OTUD7A: variants seen among roughly 807,000 people sequenced by gnomAD.
OTUD7A encodes the protein OTU deubiquitinase 7A, also known as OTU domain-containing protein 7A.
OTUD7A carries 12 observed loss-of-function variants against 65.7 expected under a neutral mutation model. The observed-to-expected ratio is 0.18, with a 90% CI of 0.12 to 0.30. The LOEUF (loss-of-function observed/expected upper bound fraction) is 0.30, where lower values mean the gene tolerates loss of function less well. Ranked by LOEUF, OTUD7A falls within the 10% of genes least tolerant of loss-of-function variation. OTUD7A has a pLI of 1.00. For missense variants in OTUD7A, 1,148 were observed against 1,304.8 expected, an observed-to-expected ratio of 0.88 and a Z score of 1.85; for synonymous variants, 641 against 586.3, an observed-to-expected ratio of 1.09 and a Z score of -1.35.
In OTUD7A at chr15:31,484,098, C is replaced by T. The variant is rs777418666; in HGVS notation, c.1998G>A (p.Thr666=). The change falls in exon 13 of 13, where the codon ACG becomes ACA. Residue 666 remains threonine, a synonymous_variant. Transcript: ENST00000307050. This position sits in a 1 kb window ranked among gnomAD's most constrained non-coding sequence, Gnocchi z 4.5. ...FHEEMIGYYL[T]SAQERFSAEQ... is the part of the protein sequence containing the mutation. The stretch of plus-strand genomic sequence containing the variant: ...CGGCGCTGAAGCGCTCCTGCGCGCT[C>T]GTCAGGTAGTAGCCGATCATCTCCT... The T allele has an allele frequency of 6.8e-5, 109 of 1,602,746 alleles. No homozygotes were observed. Among genetic ancestry groups the T allele is most frequent in the East Asian group, 8.9e-5 (4 of 44,710 alleles).
intron 1 of OTUD7A, among the ~76,000 whole-genome samples, chr15:31,788,463 T>G (rs1198602456): frequency 6.6e-6 from 1 of 152,226 alleles, no homozygotes; most frequent in Admixed American, 6.5e-5. Context: ...CACTCCAAAA[T>G]GGCTATTGAT....
chr15:31,802,143 A>G (rs866983188), intron 1 of OTUD7A, among the ~76,000 whole-genome samples: 91 of 125,646 alleles, frequency 7.2e-4, no homozygotes, highest in African/African-American at 2.4e-3. Flanking sequence ...GTGTGTGTGT[A>G]TATATATATA....
At chr15:31,811,548 T>C (rs7170317) in intron 1 of OTUD7A, among the ~76,000 whole-genome samples, 142,392 of 152,144 alleles carry the variant, frequency 0.94, 67,352 homozygotes, top group East Asian at 1. Flanking sequence ...TGCGTATGTG[T>C]ATGTGAGTGT....
chr15:31,559,332 CACA>C, intron 4 of OTUD7A, 145 bp from the exon 5 acceptor site: 1 of 729,946 alleles, frequency 1.4e-6, no homozygotes, highest in East Asian at 2.7e-5. Context: ...GCACATACCA[CACA>C]ACACACAAAA....
intron 3 of OTUD7A, among the ~76,000 whole-genome samples, chr15:31,621,130 A>G (rs1051641823): frequency 4.0e-5 from 6 of 151,470 alleles, no homozygotes; most frequent in East Asian, 1.9e-4. Flanking sequence ...TGGTCTGAGA[A>G]ACAGTTTGCT....
intron 1 of OTUD7A, among the ~76,000 whole-genome samples, chr15:31,830,386 G>A (rs1896900706): frequency 6.6e-6 from 1 of 152,194 alleles, no homozygotes; most frequent in Non-Finnish European, 1.5e-5. Context: ...ATTTCAGGAT[G>A]TTACAATGTT....
intron 1 of OTUD7A, among the ~76,000 whole-genome samples, chr15:31,842,402 G>T (rs1456676946): frequency 6.6e-6 from 1 of 152,250 alleles, no homozygotes; most frequent in Non-Finnish European, 1.5e-5. Flanking sequence ...AAGGGAAAGA[G>T]AGGCTAGCAA....
At chr15:31,840,950 G>A (rs747382299) in intron 1 of OTUD7A, among the ~76,000 whole-genome samples, 33 of 152,316 alleles carry the variant, frequency 2.2e-4, no homozygotes, top group Admixed American at 2.6e-4. Flanking sequence ...CACGCTGGGA[G>A]GGCTTCTGAC....
intron 3 of OTUD7A, among the ~76,000 whole-genome samples, chr15:31,631,414 G>T (rs528911764): frequency 6.6e-6 from 1 of 152,194 alleles, no homozygotes; most frequent in African/African-American, 2.4e-5. Flanking sequence ...TTGAATATTG[G>T]CCCCAACTCT....
chr15:31,629,561 G>C (rs28866001), intron 3 of OTUD7A, among the ~76,000 whole-genome samples: 2 of 152,048 alleles, frequency 1.3e-5, no homozygotes, highest in African/African-American at 2.4e-5. Context: ...TCTCTTTTTT[G>C]TGTGTGTCTC....
At chr15:31,866,765 C>T (rs1354515465) in intron 1 of OTUD7A, among the ~76,000 whole-genome samples, 1 of 152,230 alleles carries the variant, frequency 6.6e-6, no homozygotes, top group African/African-American at 2.4e-5. Context: ...TGTAGTGGCG[C>T]TTCCCCTTTA....
At chr15:31,867,185 T>A (rs557513104) in intron 1 of OTUD7A, among the ~76,000 whole-genome samples, 1 of 152,206 alleles carries the variant, frequency 6.6e-6, no homozygotes, top group Non-Finnish European at 1.5e-5. Flanking sequence ...TGTGGTTGAA[T>A]AACCTGGCAC....
At chr15:31,615,345 T>A (rs950647827) in intron 3 of OTUD7A, among the ~76,000 whole-genome samples, 9 of 152,174 alleles carry the variant, frequency 5.9e-5, no homozygotes, top group Non-Finnish European at 8.8e-5. Context: ...TCAGACAAGT[T>A]GACGTTAATG....
At chr15:31,647,867 G>A (rs1891723303) in intron 3 of OTUD7A, among the ~76,000 whole-genome samples, 1 of 151,936 alleles carries the variant, frequency 6.6e-6, no homozygotes, top group Non-Finnish European at 1.5e-5. Flanking sequence ...AATTTCAACA[G>A]GGAGGCAGTG....
intron 3 of OTUD7A, among the ~76,000 whole-genome samples, chr15:31,598,262 C>T (rs531980969): frequency 3.9e-5 from 6 of 152,312 alleles, no homozygotes; most frequent in African/African-American, 7.2e-5. Context: ...GTGAGATCGA[C>T]GCAGAAGGCA....
intron 5 of OTUD7A, among the ~76,000 whole-genome samples, chr15:31,535,668 GTTTTTGTTTTTTT>G (rs1408747114): frequency 6.2e-5 from 8 of 128,898 alleles, no homozygotes; most frequent in African/African-American, 2.6e-4. Context: ...CTTGGGTTCT[GTTTTTGTTTTTTT>G]TTTTTTTTTT....
At position 31,552,732 on chromosome 15, in the gene OTUD7A, G is replaced by A. The variant is rs1467902197; in HGVS notation, c.550+6237C>T. Among the ~76,000 whole-genome samples, 4 of 152,318 alleles carry A rather than the reference G, an allele frequency of 2.6e-5. No homozygotes were observed. In the East Asian group the frequency reaches 7.7e-4, roughly 29 times the overall value. On this transcript the variant is annotated intron_variant, in intron 5 of 12. Transcript: ENST00000307050. Reference sequence around the variant, plus strand: ...GGCCCTATGCCCAGGGTTGCCCAACGCTGCACCTGGCCCACAAAGGAACGT... The same window carrying A: ...GGCCCTATGCCCAGGGTTGCCCAACACTGCACCTGGCCCACAAAGGAACGT...
At chr15:31,580,091 C>T (rs909274108) in intron 3 of OTUD7A, among the ~76,000 whole-genome samples, 1 of 152,182 alleles carries the variant, frequency 6.6e-6, no homozygotes, top group African/African-American at 2.4e-5. Context: ...TAAAAGTTGT[C>T]TTGGCAAAGA....
intron 1 of OTUD7A, among the ~76,000 whole-genome samples, chr15:31,676,712 G>A (rs35545706): frequency 4.6e-5 from 7 of 152,160 alleles, no homozygotes; most frequent in Non-Finnish European, 8.8e-5. Flanking sequence ...TGAAAGCATC[G>A]CTAACTGACA....
Sources: allele counts gnomAD v4.1 joint callset (sites outside exome capture counted in the v4.1 genomes callset), GRCh38; gene constraint gnomAD v4.1.1; non-coding constraint Gnocchi (gnomAD v3.1); transcripts MANE v1.5; gene names NCBI Gene and HGNC (gene_info 2026-07-23, HGNC 2026-07-21).